ENOX1: variants seen among roughly 807,000 people sequenced by gnomAD.
ENOX1 encodes the protein ecto-NOX disulfide-thiol exchanger 1, also known as candidate growth-related and time keeping constitutive hydroquinone (NADH) oxidase.
ENOX1 carries 42 observed loss-of-function variants against 82.5 expected under a neutral mutation model. The observed-to-expected ratio is 0.51, with a 90% CI of 0.40 to 0.66. The LOEUF (loss-of-function observed/expected upper bound fraction) is 0.66, where lower values mean the gene tolerates loss of function less well. ENOX1 is among the 30% of genes least tolerant of loss of function. ENOX1 has a pLI of 0.00. For synonymous variants in ENOX1, 271 were observed against 282.2 expected, an observed-to-expected ratio of 0.96 and a Z score of 0.40; for missense variants, 608 against 811.6, an observed-to-expected ratio of 0.75 and a Z score of 3.05.
intron 1 of ENOX1, among the ~76,000 whole-genome samples, chr13:43,754,139 T>A (rs1161193077): frequency 3.8e-5 from 4 of 106,252 alleles, no homozygotes; most frequent in Non-Finnish European, 8.5e-5. Flanking sequence ...TATACGTATA[T>A]ACACATATAT....
At chr13:43,619,897 T>G (rs962479342) in intron 2 of ENOX1, among the ~76,000 whole-genome samples, 1 of 152,182 alleles carries the variant, frequency 6.6e-6, no homozygotes, top group African/African-American at 2.4e-5. Context: ...TTTTTTGTTG[T>G]TGGTAATCTT....
At chr13:43,372,207 G>C (rs1268674878) in intron 5 of ENOX1, among the ~76,000 whole-genome samples, 1 of 152,194 alleles carries the variant, frequency 6.6e-6, no homozygotes, top group African/African-American at 2.4e-5. Context: ...TAAGTGAATA[G>C]TAAGAGCCAT....
chr13:43,506,167 G>T (rs949883182), intron 2 of ENOX1, among the ~76,000 whole-genome samples: 1 of 151,962 alleles, frequency 6.6e-6, no homozygotes, highest in South Asian at 2.1e-4. Flanking sequence ...TTGTAGTATA[G>T]TTTGAAGTCA....
chr13:43,445,366 G>T (rs547346138), intron 3 of ENOX1, among the ~76,000 whole-genome samples: 1 of 152,066 alleles, frequency 6.6e-6, no homozygotes, highest in Non-Finnish European at 1.5e-5. Context: ...CTCGTGATCT[G>T]CCCGCCTTGG....
intron 2 of ENOX1, among the ~76,000 whole-genome samples, chr13:43,659,425 G>C (rs2084607781): frequency 6.6e-6 from 1 of 152,052 alleles, no homozygotes; most frequent in Non-Finnish European, 1.5e-5. Context: ...GGGAGGCAGA[G>C]GTTGTGGTGA....
At chr13:43,713,549 C>G (rs1453512542) in intron 1 of ENOX1, among the ~76,000 whole-genome samples, 1 of 152,046 alleles carries the variant, frequency 6.6e-6, no homozygotes, top group Non-Finnish European at 1.5e-5. Flanking sequence ...GTCCTGGACT[C>G]TTTTTGGTTG....
intron 14 of ENOX1, among the ~76,000 whole-genome samples, chr13:43,240,189 C>G (rs935031110): frequency 2.0e-5 from 3 of 152,116 alleles, no homozygotes; most frequent in African/African-American, 7.2e-5. Context: ...TACTTTCAGC[C>G]ACCAAATAAA....
chr13:43,731,911 G>A (rs1452458638), intron 1 of ENOX1, among the ~76,000 whole-genome samples: 1 of 152,132 alleles, frequency 6.6e-6, no homozygotes, highest in East Asian at 1.9e-4. Context: ...CTTGCCCCTG[G>A]GCTTGTAATC....
chr13:43,257,067 GACAC>G (rs1422693222), intron 14 of ENOX1, among the ~76,000 whole-genome samples: 1 of 152,174 alleles, frequency 6.6e-6, no homozygotes, highest in Non-Finnish European at 1.5e-5. Flanking sequence ...TAGGAAGTTA[GACAC>G]CACGTGTTCT....
chr13:43,290,390 C>T (rs1264561425), intron 12 of ENOX1, among the ~76,000 whole-genome samples: 1 of 152,068 alleles, frequency 6.6e-6, no homozygotes, highest in African/African-American at 2.4e-5. Context: ...TATATACACA[C>T]ACACATACCA....
intron 2 of ENOX1, among the ~76,000 whole-genome samples, chr13:43,656,246 C>T (rs2084426030): frequency 6.6e-6 from 1 of 152,064 alleles, no homozygotes; most frequent in African/African-American, 2.4e-5. Context: ...TTCTCTGCTC[C>T]TTATGGAACA....
rs139531440 is a variant in ENOX1, at chr13:43,329,375, G to A, written c.1037-2850C>T. 2.5e-3 allele frequency among the ~76,000 whole-genome samples: 387 copies of A among 152,242 alleles called. 2 individuals carry two copies. The highest frequency in any genetic ancestry group is 8.5e-3 in the African/African-American group (355 of 41,540). ...CTTGATAGGAGGAGGCAGCTGACTT[G>A]CTACATGGGAGGAGGAAGAGGGGTG... On this transcript the variant is annotated intron_variant, in intron 9 of 16. Transcript: ENST00000690772.
chr13:43,322,128 T>A (rs1439568684), intron 11 of ENOX1, among the ~76,000 whole-genome samples: 1 of 152,184 alleles, frequency 6.6e-6, no homozygotes, highest in Admixed American at 6.5e-5. Flanking sequence ...AGGATTTTCA[T>A]GGAAACAGGC....
At chr13:43,246,737 T>G (rs1183428934) in intron 14 of ENOX1, among the ~76,000 whole-genome samples, 1 of 152,092 alleles carries the variant, frequency 6.6e-6, no homozygotes, top group Non-Finnish European at 1.5e-5. Context: ...TTGGGCCACA[T>G]GCAGGATTGG....
intron 12 of ENOX1, among the ~76,000 whole-genome samples, chr13:43,276,912 A>G (rs974054349): frequency 1.3e-5 from 2 of 152,210 alleles, no homozygotes; most frequent in African/African-American, 4.8e-5. Context: ...TCTAGTTTAA[A>G]ACGTCATCTG....
rs542231175 is a variant in ENOX1, at chr13:43,674,489, C to T, written c.-284-6945G>A. Among the ~76,000 whole-genome samples the T allele has an allele frequency of 3.9e-5, 6 of 152,124 alleles. No homozygotes were observed. In the South Asian group the frequency reaches 1.0e-3, roughly 26 times the overall value. ...GTGAAAGAAGTCAGTCTGAAAAGGCCGCATACTATACCATTCCAACTACAT... is the reference window on the plus strand; with the variant it reads ...GTGAAAGAAGTCAGTCTGAAAAGGCTGCATACTATACCATTCCAACTACAT... On this transcript the variant is annotated intron_variant, in intron 1 of 16. Transcript: ENST00000690772.
rs1028174681 is a variant in ENOX1 at position 43,359,858 on chromosome 13, G to A, written c.582C>T (p.Tyr194=). The A allele has an allele frequency of 1.2e-6, 2 of 1,614,028 alleles. No individual in the cohort carries two copies. The highest frequency in any genetic ancestry group is 1.7e-5 in the Admixed American group (1 of 60,028). The part of the protein sequence containing the change: ...AEEFMVDKAI[Y]LSGYRMRLGS... Reference sequence around the variant, plus strand: ...TTATGTAATGCAAAGTACCAGAAAGGTAAATGGCTTTATCAACCATGAATT... The same window carrying A: ...TTATGTAATGCAAAGTACCAGAAAGATAAATGGCTTTATCAACCATGAATT... The change falls in exon 7 of 17, where the codon TAC becomes TAT. Residue 194 remains tyrosine, a synonymous_variant. Transcript: ENST00000690772.
At chr13:43,452,763 T>C (rs1594697069) in intron 3 of ENOX1, among the ~76,000 whole-genome samples, 1 of 152,198 alleles carries the variant, frequency 6.6e-6, no homozygotes, top group African/African-American at 2.4e-5. Context: ...CCTCAAGTGA[T>C]CCGCCTGCCT....
intron 2 of ENOX1, among the ~76,000 whole-genome samples, chr13:43,521,576 C>T (rs1234615569): frequency 6.6e-6 from 1 of 152,166 alleles, no homozygotes; most frequent in East Asian, 1.9e-4. Flanking sequence ...AATTTTGTTA[C>T]TGAGCCCTAT....
Sources: gnomAD v4.1 joint callset for allele counts (sites outside exome capture counted in the v4.1 genomes callset) on GRCh38, gnomAD v4.1.1 for gene constraint, MANE v1.5 for transcripts, NCBI Gene and HGNC (gene_info 2026-07-23, HGNC 2026-07-21) for gene names.